RAB33A: variants seen among roughly 807,000 people sequenced by gnomAD.
RAB33A encodes the protein ras-related protein Rab-33A.
Under a neutral mutation model 12.0 loss-of-function variants are expected in RAB33A, and 6 were observed. That is an observed-to-expected ratio of 0.50 (90% confidence interval 0.27 to 0.99). RAB33A has a LOEUF of 0.99. RAB33A is among the 50% of genes least tolerant of loss of function. The pLI, the probability that RAB33A is intolerant of heterozygous loss-of-function variation, is 0.11. For synonymous variants in RAB33A, 70 were observed against 82.4 expected, an observed-to-expected ratio of 0.85 and a Z score of 0.81; for missense variants, 109 against 192.0, an observed-to-expected ratio of 0.57 and a Z score of 2.55.
At chrX:130,137,741 A>T in the RAB33A span, 2 of 1,029,376 alleles carry the variant, frequency 1.9e-6, no homozygotes, top group Non-Finnish European at 2.5e-6. Flanking sequence ...GTCCTGGCAT[A>T]GAGGGTAGAG....
At chrX:130,115,684 G>A in the RAB33A span, among the ~76,000 whole-genome samples, 1 of 78,475 alleles carries the variant, frequency 1.3e-5, no homozygotes, top group Admixed American at 1.4e-4. Flanking sequence ...AGAGAGAGAG[G>A]AAGGAAGGAA....
At chrX:130,120,645 GC>G in the RAB33A span, among the ~76,000 whole-genome samples, 2 of 112,523 alleles carry the variant, frequency 1.8e-5, no homozygotes, top group South Asian at 3.6e-4. Context: ...GCAGGAACCA[GC>G]CCCCGACCTG....
chrX:130,137,313 G>C, the RAB33A span: 2 of 1,182,661 alleles, frequency 1.7e-6, no homozygotes, highest in Non-Finnish European at 2.3e-6. Flanking sequence ...CAGGCCGAGC[G>C]CCCACTTACA....
At chrX:130,148,907 TTGC>T in the RAB33A span, among the ~76,000 whole-genome samples, 1 of 98,288 alleles carries the variant, frequency 1.0e-5, no homozygotes. Flanking sequence ...CTTGCTAAGC[TTGC>T]CTTTTAAGAG....
At chrX:130,116,354 C>T in the RAB33A span, among the ~76,000 whole-genome samples, 1 of 110,727 alleles carries the variant, frequency 9.0e-6, no homozygotes, top group East Asian at 2.8e-4. Flanking sequence ...AGTGCAGTGG[C>T]GGGATCTTGG....
chrX:130,112,204 C>T, the RAB33A span, among the ~76,000 whole-genome samples: 1 of 112,118 alleles, frequency 8.9e-6, no homozygotes, highest in African/African-American at 3.2e-5. Flanking sequence ...CTCCTGGATA[C>T]TCAGAATCAA....
chrX:130,161,765 G>A, the RAB33A span, among the ~76,000 whole-genome samples: 27 of 109,358 alleles, frequency 2.5e-4, 1 homozygote, highest in Admixed American at 2.4e-3. Context: ...GTGCCACCAC[G>A]CTTGGCTAAT....
At position 130,179,710 on chromosome X, in the gene RAB33A, C is replaced by G. The variant is rs775048356; in HGVS notation, c.259-4575C>G. On this transcript the variant is annotated intron_variant, in intron 1 of 1. Coordinates refer to ENST00000257017, the MANE Select transcript of RAB33A (RefSeq NM_004794.3). ...GTGTGATCACAGTCAGACGTTCTCTCTGAAATCCCCTTGGCACATATCTAG... is the reference window on the plus strand; with the variant it reads ...GTGTGATCACAGTCAGACGTTCTCTGTGAAATCCCCTTGGCACATATCTAG... 3.0e-5 allele frequency among the ~76,000 whole-genome samples: 3 copies of G among 99,685 alleles called. No individual in the cohort carries two copies. The South Asian group carries it at 1.6e-3, about 53-fold the overall frequency. 86.6% of individuals were successfully genotyped at this position (99,685 alleles called of 115,157 possible).
chrX:130,150,961 G>C, the RAB33A span, among the ~76,000 whole-genome samples: 1 of 67,157 alleles, frequency 1.5e-5, no homozygotes, highest in Non-Finnish European at 2.6e-5. Flanking sequence ...CTGGGCGATA[G>C]AGTGAGACTC....
chrX:130,133,660 A>C, the RAB33A span, among the ~76,000 whole-genome samples: 1 of 108,593 alleles, frequency 9.2e-6, no homozygotes, highest in African/African-American at 3.4e-5. Flanking sequence ...ACAGGGTCTC[A>C]CTCTATTGCC....
At chrX:130,171,937 C>G (rs1331643583), upstream of RAB33A, 5 of 814,263 alleles carry the variant, frequency 6.1e-6, no homozygotes, top group South Asian at 2.8e-5. Flanking sequence ...CACACACGGG[C>G]GGACACACAC....
the RAB33A span, among the ~76,000 whole-genome samples, chrX:130,114,514 A>G: frequency 1.8e-5 from 2 of 112,230 alleles, no homozygotes; most frequent in Non-Finnish European, 3.8e-5. Context: ...CGACAGCCAC[A>G]CTGTTTCTAC....
the RAB33A span, chrX:130,147,711 G>A: frequency 4.1e-6 from 5 of 1,210,284 alleles, no homozygotes; most frequent in African/African-American, 1.7e-5. Flanking sequence ...AATGCTTGCA[G>A]ACTGTACCCT....
At chrX:130,127,119 T>A in the RAB33A span, among the ~76,000 whole-genome samples, 1 of 111,373 alleles carries the variant, frequency 9.0e-6, no homozygotes, top group Admixed American at 9.6e-5. Flanking sequence ...GGCTTAGTAC[T>A]ACAGGAGACT....
At chrX:130,155,778 G>C in the RAB33A span, among the ~76,000 whole-genome samples, 114 of 111,887 alleles carry the variant, frequency 1.0e-3, no homozygotes, top group African/African-American at 3.4e-3. Flanking sequence ...GATCGGCTTA[G>C]TCACAGTAAA....
the RAB33A span, among the ~76,000 whole-genome samples, chrX:130,145,222 T>G: frequency 8.9e-6 from 1 of 111,776 alleles, no homozygotes; most frequent in East Asian, 2.8e-4. Context: ...ACAGGAAGGA[T>G]GAGGAAGGGC....
chrX:130,177,387 C>T (rs1024166479), intron 1 of RAB33A, among the ~76,000 whole-genome samples: 1 of 112,440 alleles, frequency 8.9e-6, no homozygotes, highest in Admixed American at 9.4e-5. Flanking sequence ...TCCCAGCAAC[C>T]ATAGGAGGAT....
At chrX:130,165,809 G>A in the RAB33A span, 1 of 536,716 alleles carries the variant, frequency 1.9e-6, no homozygotes, top group East Asian at 3.6e-5. Flanking sequence ...ATTGGACAGA[G>A]AAGCCGGCCT....
chrX:130,137,438 C>A, the RAB33A span: 1 of 1,165,703 alleles, frequency 8.6e-7, no homozygotes, highest in Non-Finnish European at 1.1e-6. Flanking sequence ...TGCACTTCCA[C>A]CCATGCAGTC....
Sources: allele counts gnomAD v4.1 joint callset (sites outside exome capture counted in the v4.1 genomes callset), GRCh38; gene constraint gnomAD v4.1.1; transcripts MANE v1.5; gene names NCBI Gene and HGNC (gene_info 2026-07-23, HGNC 2026-07-21).